MEGF10: variants seen among roughly 807,000 people sequenced by gnomAD.
MEGF10 encodes the protein multiple EGF like domains 10.
MEGF10 carries 86 observed loss-of-function variants against 147.5 expected under a neutral mutation model. The observed-to-expected ratio is 0.58, with a 90% confidence interval of 0.49 to 0.70. The LOEUF is 0.70. Among genes scored for constraint, MEGF10 ranks in the 30% least tolerant of loss-of-function variants. The probability of loss-of-function intolerance (pLI) is 0.00; values close to 1 mark genes in which losing one functional copy is unlikely to be tolerated. For missense variants in MEGF10, 1,329 were observed against 1,487.3 expected (o/e 0.89, Z 1.75); for synonymous variants, 478 against 525.5 (o/e 0.91, Z 1.24).
chr5:127,435,008 C>G (rs1765507677), intron 15 of MEGF10, among the ~76,000 whole-genome samples, 187 bp downstream of exon 15: 1 of 152,184 alleles, frequency 6.6e-6, no homozygotes, highest in Non-Finnish European at 1.5e-5. Flanking sequence ...GCTTGCCACT[C>G]CAGCAAAACC....
At chr5:127,259,491 T>C in the MEGF10 span, among the ~76,000 whole-genome samples, 1 of 152,162 alleles carries the variant, frequency 6.6e-6, no homozygotes. Context: ...GAATTTGCTG[T>C]GACCTAGAAA....
At chr5:127,273,351 GA>G in the MEGF10 span, among the ~76,000 whole-genome samples, 14 of 151,226 alleles carry the variant, frequency 9.3e-5, no homozygotes, top group East Asian at 2.1e-3. Context: ...GCTGCATGTC[GA>G]AAAAAAAACT....
the MEGF10 span, among the ~76,000 whole-genome samples, chr5:127,255,422 C>A: frequency 1.3e-5 from 2 of 152,104 alleles, no homozygotes; most frequent in African/African-American, 4.8e-5. Context: ...ATCTCATAGC[C>A]TTTCAATAGT....
At chr5:127,282,181 C>T in the MEGF10 span, among the ~76,000 whole-genome samples, 2 of 152,150 alleles carry the variant, frequency 1.3e-5, no homozygotes, top group African/African-American at 2.4e-5. Flanking sequence ...TTTACTTAAC[C>T]TGTCATAGGA....
intron 4 of MEGF10, among the ~76,000 whole-genome samples, chr5:127,345,560 A>G (rs1761853697): frequency 6.6e-6 from 1 of 152,162 alleles, no homozygotes; most frequent in Non-Finnish European, 1.5e-5. Flanking sequence ...ACAGGAAGAA[A>G]TCTGTGATTC....
At chr5:127,247,367 A>G in the MEGF10 span, among the ~76,000 whole-genome samples, 4 of 4,952 alleles carry the variant, frequency 8.1e-4, 1 homozygote, top group East Asian at 8.0e-3. Flanking sequence ...AAGAAGAAGA[A>G]GAAGAAGAAG....
chr5:127,412,292 A>G (rs1292908452), intron 9 of MEGF10, among the ~76,000 whole-genome samples: 1 of 152,230 alleles, frequency 6.6e-6, no homozygotes, highest in African/African-American at 2.4e-5. Flanking sequence ...ACGAATTTCT[A>G]TTAAAACAAG....
chr5:127,458,118 A>G lies in MEGF10; in HGVS notation c.*800A>G, dbSNP rs947394293. ...TACATATTCACCACTTGAGATTCAT[A>G]ACATATCAATAGTTATTTCATAAAT... is the stretch of plus-strand genomic sequence containing the variant. On this transcript the variant is annotated 3_prime_UTR_variant, in exon 25 of 25. Transcript: ENST00000503335. 2.0e-5 allele frequency: 3 copies of G among 152,212 alleles called. No homozygotes were observed. The highest frequency in any genetic ancestry group is 6.5e-5 in the Admixed American group (1 of 15,282). 9.4% of individuals were successfully genotyped at this position (152,212 alleles called of 1,614,324 possible). A position where few individuals can be genotyped will look rare whatever the true frequency, so the allele number is the denominator to read the frequency against.
intron 4 of MEGF10, among the ~76,000 whole-genome samples, chr5:127,344,978 G>C (rs1158820202): frequency 6.6e-6 from 1 of 152,170 alleles, no homozygotes; most frequent in Non-Finnish European, 1.5e-5. Context: ...TAGTGTCAAG[G>C]TTCCAGGGAA....
chr5:127,255,466 G>T, the MEGF10 span, among the ~76,000 whole-genome samples: 1,354 of 151,764 alleles, frequency 8.9e-3, 21 homozygotes, highest in African/African-American at 0.031. Context: ...CAGACAAGGA[G>T]GGGGGCAGTT....
the MEGF10 span, among the ~76,000 whole-genome samples, chr5:127,278,327 G>GA: frequency 1.8e-3 from 263 of 146,138 alleles, 2 homozygotes; most frequent in African/African-American, 6.2e-3. Context: ...TGATTACCTT[G>GA]AAAAAAAAAA....
chr5:127,417,519 A>T, intron 9 of MEGF10, 119 bp from the exon 10 acceptor site: 1 of 993,424 alleles, frequency 1.0e-6, no homozygotes, highest in Non-Finnish European at 1.6e-6. Context: ...ATGAAGTTTG[A>T]ATTATTCTGC....
intron 22 of MEGF10, among the ~76,000 whole-genome samples, chr5:127,451,070 T>C (rs554630335): frequency 7.2e-5 from 11 of 152,318 alleles, no homozygotes; most frequent in Admixed American, 2.0e-4. Flanking sequence ...ATTTGCTAAA[T>C]TGGATGATCC....
At chr5:127,456,045 G>C (rs894095834) in intron 24 of MEGF10, among the ~76,000 whole-genome samples, 3 of 152,108 alleles carry the variant, frequency 2.0e-5, no homozygotes, top group African/African-American at 7.2e-5. Flanking sequence ...TTAAGGTAAA[G>C]TTTCTTTATT....
chr5:127,265,492 C>T, the MEGF10 span, among the ~76,000 whole-genome samples: 1 of 152,066 alleles, frequency 6.6e-6, no homozygotes, highest in Non-Finnish European at 1.5e-5. Context: ...GAGGAATTAC[C>T]ACACTGTCTT....
intron 8 of MEGF10, among the ~76,000 whole-genome samples, chr5:127,404,061 A>G (rs1561624412): frequency 6.6e-6 from 1 of 152,176 alleles, no homozygotes; most frequent in Non-Finnish European, 1.5e-5. Context: ...TCCCACTCAC[A>G]GTGTACAAGG....
intron 2 of MEGF10, among the ~76,000 whole-genome samples, chr5:127,338,798 G>A (rs1371476330): frequency 6.6e-6 from 1 of 152,010 alleles, no homozygotes; most frequent in Non-Finnish European, 1.5e-5. Context: ...TTGAGCCCTG[G>A]GGTAAGAGGA....
the MEGF10 span, among the ~76,000 whole-genome samples, chr5:127,259,314 C>T: frequency 1.3e-5 from 2 of 152,120 alleles, no homozygotes; most frequent in Non-Finnish European, 2.9e-5. Flanking sequence ...TTTTATTTTT[C>T]CATGATCTAA....
the MEGF10 span, among the ~76,000 whole-genome samples, chr5:127,274,174 T>A: frequency 6.6e-6 from 1 of 152,072 alleles, no homozygotes; most frequent in African/African-American, 2.4e-5. Context: ...TGAGATCTTA[T>A]AAAAGTCAGT....
Sources: allele counts gnomAD v4.1 joint callset (sites outside exome capture counted in the v4.1 genomes callset), GRCh38; gene constraint gnomAD v4.1.1; transcripts MANE v1.5; gene names NCBI Gene and HGNC (gene_info 2026-07-23, HGNC 2026-07-21).